ARSB: variants seen among roughly 807,000 people sequenced by gnomAD.
ARSB encodes N-acetylgalactosamine-4-sulfatase.
ARSB carries 41 observed loss-of-function variants against 50.9 expected under a neutral mutation model. The ratio of observed to expected loss-of-function variants is 0.81; its 90% CI spans 0.63 to 1.04. The LOEUF (loss-of-function observed/expected upper bound fraction) is 1.04, where lower values mean the gene tolerates loss of function less well. Ranked by LOEUF, ARSB falls within the 50% of genes least tolerant of loss-of-function variation. The pLI, the probability that ARSB is intolerant of heterozygous loss-of-function variation, is 0.00. For missense variants in ARSB, 672 were observed against 693.3 expected, an observed-to-expected ratio of 0.97 and a Z score of 0.35; for synonymous variants, 269 against 284.8, an observed-to-expected ratio of 0.94 and a Z score of 0.56.
chr5:78,964,238 G>A (rs1337323830), intron 3 of ARSB, among the ~76,000 whole-genome samples, 178 bp downstream of exon 3: 1 of 152,158 alleles, frequency 6.6e-6, no homozygotes, highest in Non-Finnish European at 1.5e-5. Context: ...GTGGGCTCCA[G>A]GAATCTTCCT....
intron 5 of ARSB, among the ~76,000 whole-genome samples, chr5:78,877,117 T>C (rs980420829): frequency 6.6e-6 from 1 of 152,048 alleles, no homozygotes; most frequent in Non-Finnish European, 1.5e-5. Flanking sequence ...GGGAAAGAAC[T>C]ACCTGTAAGG....
intron 5 of ARSB, among the ~76,000 whole-genome samples, chr5:78,862,419 A>T (rs866962655): frequency 6.6e-6 from 1 of 152,230 alleles, no homozygotes; most frequent in Non-Finnish European, 1.5e-5. Flanking sequence ...AAACAGAGAT[A>T]TAGACCAATG....
chr5:78,917,677 T>A (rs1436900474), intron 4 of ARSB, among the ~76,000 whole-genome samples: 1 of 152,160 alleles, frequency 6.6e-6, no homozygotes, highest in Non-Finnish European at 1.5e-5. Flanking sequence ...CACACCCAGC[T>A]AATTTTTATG....
intron 6 of ARSB, among the ~76,000 whole-genome samples, chr5:78,826,321 A>G (rs2112685401): frequency 6.6e-6 from 1 of 152,304 alleles, no homozygotes; most frequent in South Asian, 2.1e-4. Flanking sequence ...CTGGGATTAC[A>G]GGCATGAGCC....
At chr5:78,842,994 A>G (rs1260226800) in intron 5 of ARSB, among the ~76,000 whole-genome samples, 1 of 152,136 alleles carries the variant, frequency 6.6e-6, no homozygotes, top group Non-Finnish European at 1.5e-5. Flanking sequence ...TTTGCTGTAC[A>G]TTAGAATTAC....
At chr5:78,815,678 AAAGT>A in intron 6 of ARSB, 4 of 1,016,988 alleles carry the variant, frequency 3.9e-6, no homozygotes, top group Non-Finnish European at 4.7e-6. Flanking sequence ...GGGATGCTCA[AAAGT>A]AAGCTACATG....
intron 4 of ARSB, among the ~76,000 whole-genome samples, chr5:78,953,994 A>G (rs557841472): frequency 8.5e-5 from 13 of 152,248 alleles, no homozygotes; most frequent in East Asian, 5.8e-4. Context: ...AAAACACAAA[A>G]GAGTTGCTGG....
intron 6 of ARSB, among the ~76,000 whole-genome samples, chr5:78,786,247 A>G (rs1749077986): frequency 6.6e-6 from 1 of 152,210 alleles, no homozygotes; most frequent in South Asian, 2.1e-4. Context: ...GGATCAGACA[A>G]TATGTGGCCT....
intron 5 of ARSB, among the ~76,000 whole-genome samples, chr5:78,867,487 C>T (rs557648017): frequency 4.6e-5 from 7 of 152,338 alleles, no homozygotes; most frequent in African/African-American, 9.6e-5. Flanking sequence ...GGGTAGACTG[C>T]CTCCACAAGT....
intron 4 of ARSB, among the ~76,000 whole-genome samples, chr5:78,911,572 T>TAAAAA (rs71001137): frequency 1.3e-4 from 9 of 67,850 alleles, no homozygotes; most frequent in Non-Finnish European, 1.8e-4. Context: ...AGACTCCCTC[T>TAAAAA]AAAAAAAAAA....
At chr5:78,939,453 C>A (rs1750792853) in intron 4 of ARSB, among the ~76,000 whole-genome samples, 1 of 152,022 alleles carries the variant, frequency 6.6e-6, no homozygotes, top group Non-Finnish European at 1.5e-5. Context: ...CCACAACAGG[C>A]CCCGGTGTGT....
At chr5:78,848,328 T>TGTC (rs534426621) in intron 5 of ARSB, among the ~76,000 whole-genome samples, 10,347 of 70,002 alleles carry the variant, frequency 0.15, 482 homozygotes, top group Middle Eastern at 0.28. Flanking sequence ...TTTGGTTTTT[T>TGTC]GTCCTTGCGA....
At position 78,839,410 on chromosome 5, in the gene ARSB, G is replaced by A. The variant is rs145553034; in HGVS notation, c.1159C>T (p.Pro387Ser). ...WKTISEGSPSPRIELLHNIDP... is the reference protein window; with the variant it reads ...WKTISEGSPSSRIELLHNIDP... ...ATATTATGCAGCAGCTCAATTCTGG[G>A]GGATGGGCTTCCTTCACTGGAAAAC... Residue 387 changes from proline to serine, a missense_variant, in exon 6 of 8, where the codon CCC (proline) becomes TCC (serine). By Grantham distance (74) the Pro-to-Ser change is moderately conservative. Transcript: ENST00000264914. The A allele has an allele frequency of 2.5e-5, 40 of 1,613,618 alleles. No homozygotes were observed. The African/African-American group carries it at 4.9e-4, about 20-fold the overall frequency.
intron 2 of ARSB, among the ~76,000 whole-genome samples, chr5:78,965,037 G>T (rs1156739155): frequency 6.6e-6 from 1 of 152,162 alleles, no homozygotes; most frequent in Non-Finnish European, 1.5e-5. Context: ...TTGCGAGACT[G>T]GCTTCAAGGT....
Position 78,780,442 on chromosome 5 carries a change from G to A in ARSB, c.1557C>T (p.Pro519=), listed in dbSNP as rs1748890674. 3 of 1,614,008 alleles carry A rather than the reference G, an allele frequency of 1.9e-6. No individual in the cohort carries two copies. Among genetic ancestry groups the A allele is most frequent in the South Asian group, 2.2e-5 (2 of 91,090 alleles). The stretch of plus-strand genomic sequence containing the variant: ...CCCCAGTGGCCTTGGGATCACAGCG[G>A]GGGTCCTGTGCAGGGAAGTACACGG... ...SVPVYFPAQD[P]RCDPKATGVW... Residue 519 remains proline (P), a synonymous_variant, in exon 8 of 8, where the codon CCC becomes CCT. Coordinates refer to ENST00000264914, the MANE Select transcript of ARSB (RefSeq NM_000046.5).
intron 5 of ARSB, among the ~76,000 whole-genome samples, chr5:78,873,181 G>A (rs540310162): frequency 6.6e-6 from 1 of 152,030 alleles, no homozygotes; most frequent in African/African-American, 2.4e-5. Flanking sequence ...CAATATTAAA[G>A]AAACAACAAC....
At chr5:78,933,353 T>C (rs557751775) in intron 4 of ARSB, among the ~76,000 whole-genome samples, 4 of 152,192 alleles carry the variant, frequency 2.6e-5, no homozygotes, top group Non-Finnish European at 4.4e-5. Flanking sequence ...CCAAGAAAAC[T>C]AGAGCCAGCT....
At chr5:78,982,610 T>C (rs1752955514) in intron 1 of ARSB, among the ~76,000 whole-genome samples, 1 of 152,222 alleles carries the variant, frequency 6.6e-6, no homozygotes, top group Non-Finnish European at 1.5e-5. Context: ...TCTTAACCTC[T>C]TCCAGCATCA....
At chr5:78,818,926 T>C (rs1435968039) in intron 6 of ARSB, among the ~76,000 whole-genome samples, 2 of 152,172 alleles carry the variant, frequency 1.3e-5, no homozygotes, top group Non-Finnish European at 2.9e-5. Flanking sequence ...CCTCCCACCC[T>C]TGCCCTGGCC....
Sources: allele counts gnomAD v4.1 joint callset (sites outside exome capture counted in the v4.1 genomes callset), GRCh38; gene constraint gnomAD v4.1.1; transcripts MANE v1.5; gene names NCBI Gene and HGNC (gene_info 2026-07-23, HGNC 2026-07-21).